Variants in SULT1C3 observed in about 807,000 individuals in gnomAD.
The protein encoded by SULT1C3 is sulfotransferase 1C3.
Under a neutral mutation model 28.4 loss-of-function variants are expected in SULT1C3, and 31 were observed. The ratio of observed to expected loss-of-function variants is 1.09; its 90% CI spans 0.82 to 1.47. The LOEUF (loss-of-function observed/expected upper bound fraction) is 1.47, where lower values mean the gene tolerates loss of function less well. Among genes scored for constraint, SULT1C3 ranks in the 40% most tolerant of loss-of-function variants. SULT1C3 has a pLI of 0.00. For missense variants in SULT1C3, 307 were observed against 272.5 expected, an observed-to-expected ratio of 1.13 and a Z score of -0.89; for synonymous variants, 106 against 92.2, an observed-to-expected ratio of 1.15 and a Z score of -0.86.
At chr2:108,262,232 C>T (rs529747359), downstream of SULT1C3, among the ~76,000 whole-genome samples, 1 of 152,214 alleles carries the variant, frequency 6.6e-6, no homozygotes, top group South Asian at 2.1e-4. Flanking sequence ...TAATTGGAGA[C>T]ATGAGAATCC....
At chr2:108,245,754 T>C (rs1675563727) in intron 1 of SULT1C3, among the ~76,000 whole-genome samples, 1 of 152,146 alleles carries the variant, frequency 6.6e-6, no homozygotes, top group Non-Finnish European at 1.5e-5. Context: ...ATTTTTCTCA[T>C]TGTCTTGGAG....
intron 5 of SULT1C3, among the ~76,000 whole-genome samples, chr2:108,256,595 C>T (rs1429365596): frequency 6.6e-6 from 1 of 152,042 alleles, no homozygotes; most frequent in Non-Finnish European, 1.5e-5. Context: ...GCTCCCAGTC[C>T]TTGAGCAACC....
At chr2:108,241,883 C>T (rs569761438) in intron 1 of SULT1C3, among the ~76,000 whole-genome samples, 6 of 148,398 alleles carry the variant, frequency 4.0e-5, no homozygotes, top group South Asian at 4.3e-4. Context: ...GTAGAGATGG[C>T]GCCACTGCAC....
At chr2:108,240,414 G>C (rs1280937707) in intron 1 of SULT1C3, among the ~76,000 whole-genome samples, 1 of 152,180 alleles carries the variant, frequency 6.6e-6, no homozygotes, top group Non-Finnish European at 1.5e-5. Context: ...ATAGTAGAGT[G>C]AATATAGCAA....
intron 2 of SULT1C3, among the ~76,000 whole-genome samples, chr2:108,251,831 T>G (rs1028658036): frequency 2.0e-5 from 3 of 152,042 alleles, no homozygotes; most frequent in African/African-American, 7.2e-5. Context: ...ATTAATAACA[T>G]TATGATACAA....
Position 108,247,320 on chromosome 2 carries a change from C to T in SULT1C3, c.126C>T (p.Phe42=), listed in dbSNP as rs1417828263. The change falls in exon 2 of 8, where the codon TTC becomes TTT. Residue 42 remains phenylalanine, a synonymous_variant. Coordinates refer to ENST00000681802, the MANE Select transcript of SULT1C3 (RefSeq NM_001320878.2). The part of the protein sequence containing the change: ...SKEWWEKVCN[F]QAKPDDLILA... The stretch of plus-strand genomic sequence containing the variant: ...AATGGTGGGAAAAAGTATGTAATTT[C>T]CAAGCCAAGCCTGATGATCTTATTC... 6.3e-7 allele frequency: 1 copy of T among 1,576,974 alleles called. No individual in the cohort carries two copies. The highest frequency in any genetic ancestry group is 1.2e-5 in the South Asian group (1 of 84,174).
chr2:108,244,838 A>T (rs1573213770), intron 1 of SULT1C3, among the ~76,000 whole-genome samples: 1 of 152,182 alleles, frequency 6.6e-6, no homozygotes, highest in Admixed American at 6.5e-5. Flanking sequence ...CCTGCCTGAT[A>T]TGATTGCTAA....
downstream of SULT1C3, among the ~76,000 whole-genome samples, chr2:108,261,698 G>A (rs987837359): frequency 6.6e-6 from 1 of 152,174 alleles, no homozygotes; most frequent in African/African-American, 2.4e-5. Flanking sequence ...GTGTAAAAAG[G>A]TATTCAATTA....
At chr2:108,242,503 TG>T (rs1675486677) in intron 1 of SULT1C3, among the ~76,000 whole-genome samples, 1 of 151,918 alleles carries the variant, frequency 6.6e-6, no homozygotes, top group Non-Finnish European at 1.5e-5. Flanking sequence ...TAGTGGAGGG[TG>T]GGGATGTTTT....
At position 108,259,110 on chromosome 2, in the gene SULT1C3, A is replaced by G. The variant is rs1446636358; in HGVS notation, c.766A>G (p.Ile256Val). 2 of 506,444 alleles carry G rather than the reference A, an allele frequency of 3.9e-6. No homozygotes were observed. Among genetic ancestry groups the G allele is most frequent in the Admixed American group, 2.8e-5 (1 of 35,746 alleles). 31.4% of individuals were successfully genotyped at this position (506,444 alleles called of 1,614,324 possible). Residue 256 changes from isoleucine (I) to valine (V), a missense_variant, in exon 7 of 8, where the codon ATA becomes GTA. Transcript: ENST00000681802. Reference protein sequence around the residue: ...MANHTAVPAHIFNHSISKFMR... With the variant: ...MANHTAVPAHVFNHSISKFMR... ...CAACCATACTGCGGTACCTGCTCACATATTCAATCACTCCATCTCAAAATT... is the reference window on the plus strand; with the variant it reads ...CAACCATACTGCGGTACCTGCTCACGTATTCAATCACTCCATCTCAAAATT...
chr2:108,255,452 A>C (rs1675843060), intron 4 of SULT1C3, 120 bp from the exon 5 acceptor site: 9 of 1,149,198 alleles, frequency 7.8e-6, no homozygotes, highest in Non-Finnish European at 9.7e-6. Context: ...ATTCATAACT[A>C]ATGTATCTAA....
rs184691328 is a variant in SULT1C3, at chr2:108,257,707, A to G, written c.527-1027A>G. ...GTAATTCACTCACAGTGCCTAATAT[A>G]AAAATTAAAGTAATATACACATCTA... On this transcript the variant is annotated intron_variant, in intron 5 of 7. Coordinates refer to ENST00000681802, the MANE Select transcript of SULT1C3 (RefSeq NM_001320878.2). Among the ~76,000 whole-genome samples, 15 of 152,250 alleles carry G rather than the reference A, an allele frequency of 9.9e-5. No individual in the cohort carries two copies. The East Asian group carries it at 2.9e-3, about 29-fold the overall frequency.
At chr2:108,263,252 A>C (rs530569086), downstream of SULT1C3, among the ~76,000 whole-genome samples, 17 of 152,220 alleles carry the variant, frequency 1.1e-4, no homozygotes, top group African/African-American at 4.1e-4. Context: ...GAACTCCTTT[A>C]TTATTTTGTC....
intron 1 of SULT1C3, among the ~76,000 whole-genome samples, 112 bp downstream of exon 1, chr2:108,240,195 C>A (rs551921378): frequency 1.3e-5 from 2 of 152,252 alleles, no homozygotes; most frequent in East Asian, 1.9e-4. Flanking sequence ...AGCTTTGGAG[C>A]CTTTAGACTT....
chr2:108,247,461 G>T (rs1157793676), intron 2 of SULT1C3, 95 bp downstream of exon 2: 1 of 1,186,944 alleles, frequency 8.4e-7, no homozygotes, highest in Non-Finnish European at 1.1e-6. Context: ...GATTTGGAGA[G>T]AAACAATTCC....
At chr2:108,241,233 T>C (rs1675454345) in intron 1 of SULT1C3, among the ~76,000 whole-genome samples, 2 of 152,242 alleles carry the variant, frequency 1.3e-5, no homozygotes, top group African/African-American at 4.8e-5. Context: ...AGTCAAAGCA[T>C]ATGTAAAATA....
chr2:108,260,334 A>C lies in SULT1C3; in HGVS notation c.803-234A>C, dbSNP rs114353124. On this transcript the variant is annotated intron_variant, in intron 7 of 7. Coordinates refer to ENST00000681802, the MANE Select transcript of SULT1C3 (RefSeq NM_001320878.2). The stretch of plus-strand genomic sequence containing the variant: ...AAGATTCAGCACAGTGGGGCACCTC[A>C]GTGGGGCCTGCAGCATTTGAGGAAG... Among the ~76,000 whole-genome samples, 1,228 of 152,162 alleles carry C rather than the reference A, an allele frequency of 8.1e-3. 18 individuals are homozygous for C. Among genetic ancestry groups the C allele is most frequent in the African/African-American group, 0.028 (1,147 of 41,528 alleles).
At chr2:108,248,327 A>G (rs1675638903) in intron 2 of SULT1C3, among the ~76,000 whole-genome samples, 1 of 152,162 alleles carries the variant, frequency 6.6e-6, no homozygotes, top group African/African-American at 2.4e-5. Flanking sequence ...AGCCATAATA[A>G]AAAAGGAAAC....
intron 4 of SULT1C3, 65 bp downstream of exon 4, chr2:108,253,507 T>C: frequency 2.4e-6 from 2 of 822,734 alleles, no homozygotes; most frequent in Non-Finnish European, 3.5e-6. Context: ...ACTGAAGATA[T>C]CTTTCAAAAT....
Sources: gnomAD v4.1 joint callset for allele counts (sites outside exome capture counted in the v4.1 genomes callset) on GRCh38, gnomAD v4.1.1 for gene constraint, MANE v1.5 for transcripts, NCBI Gene and HGNC (gene_info 2026-07-23, HGNC 2026-07-21) for gene names.